Variants in PLCE1 observed in about 807,000 individuals in gnomAD.
PLCE1 encodes phospholipase C epsilon 1.
PLCE1 carries 119 observed loss-of-function variants against 242.8 expected under a neutral mutation model. The ratio of observed to expected loss-of-function variants is 0.49; its 90% CI spans 0.42 to 0.57. The LOEUF (loss-of-function observed/expected upper bound fraction) is 0.57. Among genes scored for constraint, PLCE1 ranks in the 20% least tolerant of loss-of-function variants. The pLI is 0.00. For missense variants in PLCE1, 2,441 were observed against 2,788.8 expected, an observed-to-expected ratio of 0.88 and a Z score of 2.81; for synonymous variants, 945 against 1,017.4, an observed-to-expected ratio of 0.93 and a Z score of 1.35.
At chr10:94,038,400 A>G (rs1183885830) in intron 2 of PLCE1, among the ~76,000 whole-genome samples, 1 of 152,062 alleles carries the variant, frequency 6.6e-6, no homozygotes, top group East Asian at 1.9e-4. Flanking sequence ...GTGGTTCTTT[A>G]TTCTAGTGGC....
chr10:94,130,711 G>A (rs1485674841), intron 2 of PLCE1, among the ~76,000 whole-genome samples: 2 of 152,170 alleles, frequency 1.3e-5, no homozygotes, highest in African/African-American at 4.8e-5. Flanking sequence ...GCCTTCAAGT[G>A]GCAAATATAT....
intron 1 of PLCE1, among the ~76,000 whole-genome samples, chr10:93,998,604 G>A (rs2060874409): frequency 6.6e-6 from 1 of 152,168 alleles, no homozygotes; most frequent in Non-Finnish European, 1.5e-5. Flanking sequence ...AAGTGAGATG[G>A]TTCACCTAAA....
At chr10:94,164,535 G>A (rs555169167) in intron 3 of PLCE1, among the ~76,000 whole-genome samples, 23 of 152,156 alleles carry the variant, frequency 1.5e-4, no homozygotes, top group African/African-American at 5.1e-4. Context: ...TTAGCTATTC[G>A]TCTAATCTTT....
chr10:94,199,623 A>G (rs2048931237), intron 4 of PLCE1, among the ~76,000 whole-genome samples: 1 of 152,254 alleles, frequency 6.6e-6, no homozygotes, highest in African/African-American at 2.4e-5. Context: ...AACAAGTCTT[A>G]GACGGCAAAA....
intron 4 of PLCE1, among the ~76,000 whole-genome samples, chr10:94,178,404 G>T (rs1189403645): frequency 1.3e-5 from 2 of 152,088 alleles, no homozygotes; most frequent in Admixed American, 1.3e-4. Flanking sequence ...TCTGCCCTGG[G>T]TGTCTTTTCC....
At position 94,044,989 on chromosome 10, in the gene PLCE1, T is replaced by A. The variant is rs573539540; in HGVS notation, c.1206+12737T>A. Reference sequence around the variant, plus strand: ...GATTCTTGAGCTAGCTCATCTTTTTTAAAAATTTTTTATTATTATTTTTTC... The same window carrying A: ...GATTCTTGAGCTAGCTCATCTTTTTAAAAAATTTTTTATTATTATTTTTTC... On this transcript the variant is annotated intron_variant, in intron 2 of 32. Transcript: ENST00000371380. Among the ~76,000 whole-genome samples, 186 of 152,264 alleles carry A rather than the reference T, an allele frequency of 1.2e-3. 1 individual carries two copies. Among genetic ancestry groups the A allele is most frequent in the African/African-American group, 3.8e-3 (160 of 41,576 alleles).
At chr10:94,078,249 G>A (rs770573461) in intron 2 of PLCE1, among the ~76,000 whole-genome samples, 2 of 152,082 alleles carry the variant, frequency 1.3e-5, no homozygotes, top group Non-Finnish European at 2.9e-5. Flanking sequence ...TGGCAGCCTC[G>A]GGAATTTAAT....
At chr10:94,245,244 G>A (rs187220715) in intron 7 of PLCE1, among the ~76,000 whole-genome samples, 48 of 152,172 alleles carry the variant, frequency 3.2e-4, no homozygotes, top group Non-Finnish European at 7.4e-5. Context: ...CTGAACCTCG[G>A]TTTCCTCATA....
chr10:94,188,298 T>C (rs2048545889), intron 4 of PLCE1, among the ~76,000 whole-genome samples: 1 of 152,324 alleles, frequency 6.6e-6, no homozygotes, highest in East Asian at 1.9e-4. Flanking sequence ...TCTGTTGCTG[T>C]ATAAAATATG....
intron 25 of PLCE1, among the ~76,000 whole-genome samples, chr10:94,305,614 G>A (rs1006094324): frequency 4.6e-5 from 7 of 152,300 alleles, no homozygotes; most frequent in African/African-American, 1.7e-4. Context: ...CCCTAAGACA[G>A]CAGGGCAGTA....
At chr10:94,214,144 C>T (rs1303317706) in intron 4 of PLCE1, among the ~76,000 whole-genome samples, 2 of 152,226 alleles carry the variant, frequency 1.3e-5, no homozygotes, top group Admixed American at 6.5e-5. Context: ...AGGTGCTTGA[C>T]AACATCTTGT....
intron 2 of PLCE1, among the ~76,000 whole-genome samples, chr10:94,131,784 C>A (rs2046605318): frequency 6.6e-6 from 1 of 152,212 alleles, no homozygotes; most frequent in African/African-American, 2.4e-5. Flanking sequence ...CTGAAACACT[C>A]CATGGAGGGA....
chr10:94,312,208 A>G (rs1286088661), intron 27 of PLCE1, among the ~76,000 whole-genome samples: 1 of 152,248 alleles, frequency 6.6e-6, no homozygotes, highest in African/African-American at 2.4e-5. Context: ...TAAAAAAATC[A>G]CATTGTGCAA....
intron 19 of PLCE1, among the ~76,000 whole-genome samples, chr10:94,278,991 A>G (rs948711236): frequency 3.3e-5 from 5 of 152,134 alleles, no homozygotes; most frequent in Non-Finnish European, 7.4e-5. Flanking sequence ...CAATAAATAT[A>G]TATCAATTAT....
chr10:94,189,566 A>G (rs2048595999), intron 4 of PLCE1, among the ~76,000 whole-genome samples: 1 of 152,162 alleles, frequency 6.6e-6, no homozygotes, highest in Non-Finnish European at 1.5e-5. Flanking sequence ...ATCATGCATG[A>G]TGGACTGAAG....
rs201512392 is a variant in PLCE1, at chr10:94,032,008, G to C, written c.962G>C (p.Arg321Pro). 1.3e-5 allele frequency: 21 copies of C among 1,613,644 alleles called. No homozygotes were observed. The highest frequency in any genetic ancestry group is 1.6e-5 in the Non-Finnish European group (19 of 1,179,798). The stretch of plus-strand genomic sequence containing the variant: ...GACGCTTTTAAAAGCAAAAAGGAGC[G>C]ATCCACTTTGTTAGTCAGGAGATTC... The part of the protein sequence containing the change: ...EEDAFKSKKE[R>P]STLLVRRFCK... The change falls in exon 2 of 33, where the codon CGA (arginine) becomes CCA (proline). Residue 321 changes from arginine to proline, a missense_variant. Transcript: ENST00000371380.
At chr10:94,138,246 G>T in intron 3 of PLCE1, 1 of 328,248 alleles carries the variant, frequency 3.0e-6, no homozygotes, top group South Asian at 2.8e-5. Context: ...GCTGCATATT[G>T]ACCTTGATAT....
intron 1 of PLCE1, among the ~76,000 whole-genome samples, chr10:94,004,675 T>C (rs1452016205): frequency 2.0e-5 from 3 of 152,152 alleles, no homozygotes; most frequent in Non-Finnish European, 4.4e-5. Flanking sequence ...TTGCCCACAA[T>C]TTTGGACTTT....
At chr10:94,059,563 G>A (rs1035236853) in intron 2 of PLCE1, among the ~76,000 whole-genome samples, 1 of 152,152 alleles carries the variant, frequency 6.6e-6, no homozygotes. Flanking sequence ...TTTACTACAT[G>A]TATTGAGATC....
Sources: gnomAD v4.1 joint callset for allele counts (sites outside exome capture counted in the v4.1 genomes callset) on GRCh38, gnomAD v4.1.1 for gene constraint, MANE v1.5 for transcripts, NCBI Gene and HGNC (gene_info 2026-07-23, HGNC 2026-07-21) for gene names.